The following LRRTM4 variants were observed in gnomAD, a reference collection of about 807,000 sequenced individuals.
The protein encoded by LRRTM4 is leucine-rich repeat transmembrane neuronal protein 4.
LRRTM4 carries 25 observed loss-of-function variants against 47.6 expected under a neutral mutation model. The ratio of observed to expected loss-of-function variants is 0.53; its 90% CI spans 0.38 to 0.73. The LOEUF (loss-of-function observed/expected upper bound fraction) is 0.73. LRRTM4 is among the 30% of genes least tolerant of loss of function. The pLI is 0.00. For synonymous variants in LRRTM4, 311 were observed against 269.5 expected (o/e 1.15, Z -1.51); for missense variants, 638 against 713.4 (o/e 0.89, Z 1.20).
At chr2:77,122,806 C>T (rs1051652150) in intron 3 of LRRTM4, among the ~76,000 whole-genome samples, 1 of 151,774 alleles carries the variant, frequency 6.6e-6, no homozygotes, top group African/African-American at 2.4e-5. Flanking sequence ...AGAGGCAAAA[C>T]TAAGAAATTC....
At chr2:77,429,361 A>C (rs975986288) in intron 3 of LRRTM4, among the ~76,000 whole-genome samples, 2 of 152,176 alleles carry the variant, frequency 1.3e-5, no homozygotes, top group South Asian at 2.1e-4. Context: ...ATATATCCAA[A>C]GAAAAAGAAA....
intron 3 of LRRTM4, among the ~76,000 whole-genome samples, chr2:76,967,534 C>A (rs1029227924): frequency 1.6e-4 from 25 of 151,518 alleles, no homozygotes; most frequent in Non-Finnish European, 2.1e-4. Flanking sequence ...GCTTTTTTAA[C>A]CTGCTGCATA....
intron 3 of LRRTM4, among the ~76,000 whole-genome samples, chr2:77,311,465 C>G (rs996750587): frequency 5.3e-5 from 8 of 152,160 alleles, no homozygotes; most frequent in African/African-American, 1.9e-4. Context: ...GTTTACCAGC[C>G]GTGGGAAATT....
chr2:77,311,943 G>T (rs1287188407), intron 3 of LRRTM4, among the ~76,000 whole-genome samples: 1 of 152,088 alleles, frequency 6.6e-6, no homozygotes, highest in Non-Finnish European at 1.5e-5. Context: ...CTTAATGGAC[G>T]CTGGTTTTGT....
intron 3 of LRRTM4, among the ~76,000 whole-genome samples, chr2:77,485,146 C>T (rs968711493): frequency 4.6e-5 from 7 of 151,596 alleles, no homozygotes; most frequent in African/African-American, 9.7e-5. Flanking sequence ...TACTAGACTC[C>T]TAAATATAAA....
chr2:77,151,117 A>G (rs555275890), intron 3 of LRRTM4, among the ~76,000 whole-genome samples: 260 of 147,724 alleles, frequency 1.8e-3, no homozygotes, highest in East Asian at 0.012. Context: ...ACGTCCGTGT[A>G]TGTGTGTGTG....
At chr2:76,779,992 A>G (rs1674273163) in intron 3 of LRRTM4, among the ~76,000 whole-genome samples, 2 of 152,092 alleles carry the variant, frequency 1.3e-5, no homozygotes, top group Non-Finnish European at 2.9e-5. Flanking sequence ...GCTTGTCTGT[A>G]AAGTATTTTA....
Position 77,440,137 on chromosome 2 carries a change from G to A in LRRTM4, c.1551+78181C>T, listed in dbSNP as rs1157732168. 3.9e-5 allele frequency among the ~76,000 whole-genome samples: 6 copies of A among 152,304 alleles called. No individual in the cohort carries two copies. The East Asian group carries it at 7.7e-4, about 20-fold the overall frequency. ...TGTATTAAAAACCGTGTGTGAGGCC[G>A]GGCGCGGTGGCTCACGCCTGTAATC... On this transcript the variant is annotated intron_variant, in intron 3 of 3. Transcript: ENST00000409884.
chr2:77,080,351 C>T (rs1234976451), intron 3 of LRRTM4, among the ~76,000 whole-genome samples: 1 of 152,160 alleles, frequency 6.6e-6, no homozygotes, highest in East Asian at 1.9e-4. Flanking sequence ...GATCACCTTT[C>T]TCAGTCTGCA....
At chr2:77,108,960 G>A (rs1475141666) in intron 3 of LRRTM4, among the ~76,000 whole-genome samples, 1 of 152,122 alleles carries the variant, frequency 6.6e-6, no homozygotes, top group African/African-American at 2.4e-5. Flanking sequence ...TTTAATTTCT[G>A]TTAACATAGC....
chr2:76,749,900 A>G (rs1672789475), intron 3 of LRRTM4, among the ~76,000 whole-genome samples: 2 of 152,218 alleles, frequency 1.3e-5, no homozygotes, highest in South Asian at 4.1e-4. Context: ...AAAAGTGCAA[A>G]GGCTCCATTG....
intron 3 of LRRTM4, among the ~76,000 whole-genome samples, chr2:77,067,449 T>C (rs1048172932): frequency 4.0e-5 from 6 of 151,870 alleles, no homozygotes; most frequent in African/African-American, 1.5e-4. Flanking sequence ...AAGGAGAGCC[T>C]CCACTCAGGC....
intron 3 of LRRTM4, among the ~76,000 whole-genome samples, chr2:77,210,888 T>C (rs1403292019): frequency 6.6e-6 from 1 of 152,126 alleles, no homozygotes; most frequent in Non-Finnish European, 1.5e-5. Context: ...GTGTACTGTC[T>C]GTAGTGTCAG....
chr2:77,384,191 T>C (rs999064343), intron 3 of LRRTM4, among the ~76,000 whole-genome samples: 1 of 151,670 alleles, frequency 6.6e-6, no homozygotes, highest in Non-Finnish European at 1.5e-5. Context: ...GTGATTTCCC[T>C]CAAAAAACTT....
intron 3 of LRRTM4, among the ~76,000 whole-genome samples, chr2:76,999,975 A>C (rs1208920996): frequency 2.0e-5 from 3 of 152,112 alleles, no homozygotes; most frequent in African/African-American, 7.2e-5. Context: ...TGAAACAGAC[A>C]ATGATAATAG....
intron 3 of LRRTM4, among the ~76,000 whole-genome samples, chr2:76,929,739 T>C (rs1674707086): frequency 6.6e-6 from 1 of 152,126 alleles, no homozygotes; most frequent in Non-Finnish European, 1.5e-5. Flanking sequence ...TACCTGGCAT[T>C]GCCTCCACCA....
At chr2:77,295,554 A>T (rs545399219) in intron 3 of LRRTM4, among the ~76,000 whole-genome samples, 84 of 152,318 alleles carry the variant, frequency 5.5e-4, no homozygotes, top group Non-Finnish European at 1.1e-3. Flanking sequence ...TGCCACAAGA[A>T]GTACTGCAGA....
intron 3 of LRRTM4, among the ~76,000 whole-genome samples, chr2:77,146,242 G>A (rs867189693): frequency 5.9e-5 from 9 of 152,128 alleles, no homozygotes; most frequent in African/African-American, 2.2e-4. Context: ...TAAAGACGGG[G>A]AACAGAATTA....
At chr2:77,417,071 A>T (rs1449324770) in intron 3 of LRRTM4, among the ~76,000 whole-genome samples, 2 of 150,668 alleles carry the variant, frequency 1.3e-5, no homozygotes, top group Non-Finnish European at 2.9e-5. Context: ...ACCCCATCGA[A>T]AAGTGGGCAA....
Sources: allele counts gnomAD v4.1 joint callset (sites outside exome capture counted in the v4.1 genomes callset), GRCh38; gene constraint gnomAD v4.1.1; transcripts MANE v1.5; gene names NCBI Gene and HGNC (gene_info 2026-07-23, HGNC 2026-07-21).